Variants in PAPSS1 observed in about 807,000 individuals in gnomAD.
PAPSS1 encodes 3'-phosphoadenosine 5'-phosphosulfate synthase 1, also known as bifunctional 3'-phosphoadenosine 5'-phosphosulfate synthase 1.
Under a neutral mutation model 72.0 loss-of-function variants are expected in PAPSS1, and 50 were observed. The observed-to-expected ratio is 0.69, with a 90% CI of 0.55 to 0.88. The LOEUF (loss-of-function observed/expected upper bound fraction) is 0.88, where lower values mean the gene tolerates loss of function less well. Ranked by LOEUF, PAPSS1 falls within the 40% of genes least tolerant of loss-of-function variation. The pLI, the probability that PAPSS1 is intolerant of heterozygous loss-of-function variation, is 0.00. For synonymous variants in PAPSS1, 261 were observed against 263.6 expected (o/e 0.99, Z 0.09); for missense variants, 657 against 782.2 (o/e 0.84, Z 1.91).
At chr4:107,656,677 C>T (rs1727019956) in intron 7 of PAPSS1, among the ~76,000 whole-genome samples, 1 of 152,084 alleles carries the variant, frequency 6.6e-6, no homozygotes, top group Non-Finnish European at 1.5e-5. Context: ...CCAGATTTTC[C>T]CTCTCTCTTT....
chr4:107,635,737 G>C (rs1352965852), intron 10 of PAPSS1, among the ~76,000 whole-genome samples: 1 of 152,090 alleles, frequency 6.6e-6, no homozygotes, highest in Non-Finnish European at 1.5e-5. Flanking sequence ...TTTATATGCT[G>C]GTAATAGCCT....
chr4:107,699,111 G>A (rs1723144617), intron 2 of PAPSS1, among the ~76,000 whole-genome samples: 1 of 151,868 alleles, frequency 6.6e-6, no homozygotes, highest in Non-Finnish European at 1.5e-5. Flanking sequence ...TGAAATAAAT[G>A]GAAAACACCA....
At chr4:107,707,049 C>A (rs1374512567) in intron 1 of PAPSS1, among the ~76,000 whole-genome samples, 1 of 152,202 alleles carries the variant, frequency 6.6e-6, no homozygotes, top group Non-Finnish European at 1.5e-5. Flanking sequence ...GGTCTTACAG[C>A]CTGGGTCAAT....
intron 10 of PAPSS1, among the ~76,000 whole-genome samples, chr4:107,637,710 C>T (rs1726426699): frequency 6.6e-6 from 1 of 152,122 alleles, no homozygotes; most frequent in Non-Finnish European, 1.5e-5. Flanking sequence ...TTTATATTCT[C>T]AAAGTGTTTA....
intron 4 of PAPSS1, among the ~76,000 whole-genome samples, chr4:107,682,698 T>C (rs1371239408): frequency 6.6e-6 from 1 of 152,226 alleles, no homozygotes; most frequent in Non-Finnish European, 1.5e-5. Flanking sequence ...GGCATCTCAA[T>C]TCTCTACAGG....
Position 107,654,893 on chromosome 4 carries a change from G to A in PAPSS1, c.903C>T (p.Val301=). 6.2e-7 allele frequency: 1 copy of A among 1,612,898 alleles called. No homozygotes were observed. Among genetic ancestry groups the A allele is most frequent in the East Asian group, 2.2e-5 (1 of 44,838 alleles). The part of the protein sequence containing the change: ...LHFDCLLDGG[V]INLSVPIVLT... ...GAACTATAGGTACTGACAAGTTAAT[G>A]ACACCTCCTGCAGAGCACAAAAGAA... Residue 301 remains valine, a synonymous_variant, in exon 8 of 12, where the codon GTC becomes GTT. Coordinates refer to ENST00000265174, the MANE Select transcript of PAPSS1 (RefSeq NM_005443.5).
intron 1 of PAPSS1, among the ~76,000 whole-genome samples, chr4:107,707,996 T>C (rs1723383589): frequency 1.3e-5 from 2 of 152,200 alleles, no homozygotes. Context: ...ATTATCATCA[T>C]TACCATTACC....
At chr4:107,634,341 A>T (rs1726304180) in intron 10 of PAPSS1, among the ~76,000 whole-genome samples, 1 of 152,162 alleles carries the variant, frequency 6.6e-6, no homozygotes, top group South Asian at 2.1e-4. Context: ...AAAATAACAA[A>T]TACATACATA....
chr4:107,638,362 C>A (rs1311921074), intron 10 of PAPSS1, among the ~76,000 whole-genome samples: 4 of 152,302 alleles, frequency 2.6e-5, no homozygotes, highest in Admixed American at 2.0e-4. Context: ...AGGCCCAATA[C>A]AAGATACACA....
At chr4:107,676,110 T>A (rs1260905684) in intron 5 of PAPSS1, among the ~76,000 whole-genome samples, 1 of 152,134 alleles carries the variant, frequency 6.6e-6, no homozygotes, top group East Asian at 1.9e-4. Flanking sequence ...AGCATTCCCT[T>A]TGAAAACTGG....
chr4:107,693,328 T>C (rs139393591), intron 3 of PAPSS1, among the ~76,000 whole-genome samples: 317 of 152,274 alleles, frequency 2.1e-3, no homozygotes, highest in African/African-American at 7.3e-3. Context: ...ACATGGTTTG[T>C]TGTTGCTGCA....
intron 11 of PAPSS1, among the ~76,000 whole-genome samples, chr4:107,628,522 C>T (rs1726153793): frequency 6.6e-6 from 1 of 152,152 alleles, no homozygotes; most frequent in Admixed American, 6.5e-5. Flanking sequence ...AGCTTTCAGA[C>T]TAATGGTTAC....
intron 10 of PAPSS1, among the ~76,000 whole-genome samples, chr4:107,634,281 G>A (rs1248119484): frequency 2.0e-5 from 3 of 152,120 alleles, no homozygotes; most frequent in Admixed American, 6.5e-5. Context: ...CTCCCAAAGT[G>A]CTGGGATTAC....
intron 3 of PAPSS1, among the ~76,000 whole-genome samples, chr4:107,692,624 C>T (rs1722958648): frequency 6.6e-6 from 1 of 152,110 alleles, no homozygotes; most frequent in South Asian, 2.1e-4. Context: ...ACCCAGCAAT[C>T]CCAGTACTGA....
At chr4:107,698,481 C>T (rs1032991960) in intron 2 of PAPSS1, among the ~76,000 whole-genome samples, 11 of 152,138 alleles carry the variant, frequency 7.2e-5, no homozygotes, top group Admixed American at 1.3e-4. Flanking sequence ...CCACCACATC[C>T]GAACAAGTGA....
chr4:107,672,301 G>A (rs143393285), intron 5 of PAPSS1, among the ~76,000 whole-genome samples: 36,609 of 152,136 alleles, frequency 0.24, 5,007 homozygotes, highest in Middle Eastern at 0.34. Flanking sequence ...AGGGGTCAGG[G>A]AATTCCCTTT....
intron 1 of PAPSS1, among the ~76,000 whole-genome samples, chr4:107,712,948 T>C (rs1453669043): frequency 1.3e-5 from 2 of 150,056 alleles, no homozygotes; most frequent in African/African-American, 4.9e-5. Flanking sequence ...ATGAATGAAC[T>C]ATTAAAAAAA....
At chr4:107,656,498 C>A (rs533466978) in intron 7 of PAPSS1, among the ~76,000 whole-genome samples, 78 of 147,202 alleles carry the variant, frequency 5.3e-4, no homozygotes, top group African/African-American at 1.7e-3. Context: ...TTTCAGAATT[C>A]CTTAACTAAG....
intron 11 of PAPSS1, among the ~76,000 whole-genome samples, chr4:107,615,602 T>C (rs975759915): frequency 6.6e-6 from 1 of 152,162 alleles, no homozygotes; most frequent in Admixed American, 6.5e-5. Flanking sequence ...ATAAATAACC[T>C]AAAGGCCGAA....
Sources: gnomAD v4.1 joint callset for allele counts (sites outside exome capture counted in the v4.1 genomes callset) on GRCh38, gnomAD v4.1.1 for gene constraint, MANE v1.5 for transcripts, NCBI Gene and HGNC (gene_info 2026-07-23, HGNC 2026-07-21) for gene names.